Variants in KLHL13 observed in about 807,000 individuals in gnomAD.
KLHL13 encodes the protein kelch-like protein 13.
Under a neutral mutation model 37.1 loss-of-function variants are expected in KLHL13, and 10 were observed. That is an observed-to-expected ratio of 0.27 (90% CI 0.17 to 0.46). The LOEUF (loss-of-function observed/expected upper bound fraction) is 0.46, where lower values mean the gene tolerates loss of function less well. Ranked by LOEUF, KLHL13 falls within the 20% of genes least tolerant of loss-of-function variation. The probability of loss-of-function intolerance (pLI) is 1.00; values close to 1 mark genes in which losing one functional copy is unlikely to be tolerated. For synonymous variants in KLHL13, 163 were observed against 181.2 expected (o/e 0.90, Z 0.81); for missense variants, 360 against 509.3 (o/e 0.71, Z 2.82).
chrX:117,905,792 T>A (rs1930477575), intron 5 of KLHL13, among the ~76,000 whole-genome samples: 1 of 111,366 alleles, frequency 9.0e-6, no homozygotes, highest in Non-Finnish European at 1.9e-5. Flanking sequence ...CAGGCATTTA[T>A]CCTCTGTGTT....
At chrX:117,943,657 GC>G (rs200185850) in intron 2 of KLHL13, among the ~76,000 whole-genome samples, 2,851 of 108,305 alleles carry the variant, frequency 0.026, 93 homozygotes, top group African/African-American at 0.09. Context: ...AAGTCCTCAT[GC>G]TGTGTTTTTC....
At chrX:118,031,764 C>A (rs368781832) in intron 1 of KLHL13, among the ~76,000 whole-genome samples, 1 of 106,392 alleles carries the variant, frequency 9.4e-6, no homozygotes, top group Non-Finnish European at 1.9e-5. Context: ...GGAACAGCTC[C>A]GGTCTACAGC....
chrX:117,962,615 T>C (rs2053323113), intron 1 of KLHL13, among the ~76,000 whole-genome samples: 1 of 112,154 alleles, frequency 8.9e-6, no homozygotes, highest in Non-Finnish European at 1.9e-5. Flanking sequence ...CACTTGACAG[T>C]AAGCAAGTAA....
At chrX:117,988,735 A>G (rs2053754722) in intron 1 of KLHL13, among the ~76,000 whole-genome samples, 1 of 111,986 alleles carries the variant, frequency 8.9e-6, no homozygotes, top group Non-Finnish European at 1.9e-5. Flanking sequence ...TAACCTCCCA[A>G]TCCTAATTGA....
chrX:118,052,412 A>G (rs2054625512), intron 1 of KLHL13, among the ~76,000 whole-genome samples: 1 of 105,675 alleles, frequency 9.5e-6, no homozygotes, highest in Non-Finnish European at 1.9e-5. Context: ...AGTCCCAGCT[A>G]GGCGGGAGGC....
intron 1 of KLHL13, chrX:117,972,611 A>C: frequency 3.9e-6 from 2 of 508,730 alleles, no homozygotes; most frequent in Non-Finnish European, 6.6e-6. Context: ...AGCAAGCTTG[A>C]GGTTTTTAAT....
intron 1 of KLHL13, among the ~76,000 whole-genome samples, chrX:118,114,492 T>C (rs994691016): frequency 5.3e-5 from 6 of 112,416 alleles, no homozygotes; most frequent in Admixed American, 4.7e-4. Flanking sequence ...TTAGATTTTG[T>C]ATCAATAATA....
intron 1 of KLHL13, among the ~76,000 whole-genome samples, chrX:117,962,313 G>T (rs2053315874): frequency 9.6e-6 from 1 of 104,013 alleles, no homozygotes; most frequent in Non-Finnish European, 2.0e-5. Flanking sequence ...AGAGGTTTGG[G>T]TTTTTTTTTT....
At chrX:117,924,966 T>G (rs1931927085) in intron 2 of KLHL13, among the ~76,000 whole-genome samples, 1 of 111,418 alleles carries the variant, frequency 9.0e-6, no homozygotes, top group Non-Finnish European at 1.9e-5. Context: ...GTATTAAACT[T>G]ACCCAATGTA....
intron 1 of KLHL13, among the ~76,000 whole-genome samples, chrX:118,001,845 C>A (rs1175884691): frequency 9.8e-6 from 1 of 101,936 alleles, no homozygotes; most frequent in East Asian, 3.0e-4. Flanking sequence ...TGCACTCCAA[C>A]CTGGGTGAGA....
intron 1 of KLHL13, among the ~76,000 whole-genome samples, chrX:118,022,706 C>T (rs2054231952): frequency 8.9e-6 from 1 of 112,055 alleles, no homozygotes; most frequent in Admixed American, 9.5e-5. Context: ...TTCTTTTCTA[C>T]TGAGTTATGT....
intron 1 of KLHL13, among the ~76,000 whole-genome samples, chrX:118,040,459 G>A (rs1433155757): frequency 3.6e-5 from 4 of 111,567 alleles, no homozygotes; most frequent in African/African-American, 1.3e-4. Flanking sequence ...CAGTAGAACT[G>A]ATAAAACATG....
At position 117,999,708 on chromosome X, in the gene KLHL13, AAAAT is replaced by A. The variant is rs200561523; in HGVS notation, c.-55-54137_-55-54134del. Among the ~76,000 whole-genome samples, 170 of 110,189 alleles carry A rather than the reference AAAAT, an allele frequency of 1.5e-3. 2 individuals are homozygous for A. The highest frequency in any genetic ancestry group is 5.4e-3 in the African/African-American group (161 of 29,854). Reference sequence around the variant, plus strand: ...AAAGTATAATTTAAAAAATCTATTAAAAATAAATAAATAAATAAATAAATAGAAA... The same window carrying A: ...AAAGTATAATTTAAAAAATCTATTAAAAATAAATAAATAAATAAATAGAAA... On this transcript the variant is annotated intron_variant, in intron 1 of 6. Coordinates refer to the KLHL13 transcript ENST00000371882.
chrX:118,018,593 A>C (rs1322531769), intron 1 of KLHL13, among the ~76,000 whole-genome samples: 3 of 111,688 alleles, frequency 2.7e-5, no homozygotes, highest in African/African-American at 9.7e-5. Flanking sequence ...GTATAGGACA[A>C]TTTGGAAATA....
At chrX:118,102,756 T>C (rs1016360194) in intron 1 of KLHL13, among the ~76,000 whole-genome samples, 10 of 112,383 alleles carry the variant, frequency 8.9e-5, no homozygotes, top group Admixed American at 8.5e-4. Flanking sequence ...TAGATGGACC[T>C]AACCTACATG....
intron 1 of KLHL13, among the ~76,000 whole-genome samples, chrX:118,065,224 C>G (rs1200144265): frequency 9.0e-6 from 1 of 111,161 alleles, no homozygotes; most frequent in Non-Finnish European, 1.9e-5. Flanking sequence ...TTTTGTAATC[C>G]TTAACTCAGT....
intron 1 of KLHL13, among the ~76,000 whole-genome samples, chrX:118,110,166 A>G (rs755918419): frequency 2.3e-4 from 26 of 110,898 alleles, no homozygotes; most frequent in African/African-American, 8.5e-4. Context: ...AATTCATATC[A>G]TGGACGCTAA....
At chrX:117,973,036 A>G in exon 1 of KLHL13, 2 of 1,047,945 alleles carry the variant, frequency 1.9e-6, no homozygotes, top group Non-Finnish European at 2.4e-6. Context: ...CTAAAGCAAT[A>G]TGATGATTCA....
chrX:117,943,460 C>T (rs1249530469), intron 2 of KLHL13, among the ~76,000 whole-genome samples: 2 of 110,749 alleles, frequency 1.8e-5, no homozygotes, highest in Non-Finnish European at 3.8e-5. Flanking sequence ...CTTTCAGGTA[C>T]ACCAATCTAA....
Sources: gnomAD v4.1 joint callset for allele counts (sites outside exome capture counted in the v4.1 genomes callset) on GRCh38, gnomAD v4.1.1 for gene constraint, MANE v1.5 for transcripts, NCBI Gene and HGNC (gene_info 2026-07-23, HGNC 2026-07-21) for gene names.